The following APBB2 variants were observed in gnomAD, a reference collection of about 807,000 sequenced individuals.
The protein encoded by APBB2 is amyloid beta precursor protein binding family B member 2.
APBB2 carries 38 observed loss-of-function variants against 82.5 expected under a neutral mutation model. That is an observed-to-expected ratio of 0.46 (90% CI 0.36 to 0.60). The LOEUF is 0.60. APBB2 is among the 20% of genes least tolerant of loss of function. The pLI is 0.00. For missense variants in APBB2, 772 were observed against 972.3 expected, an observed-to-expected ratio of 0.79 and a Z score of 2.74; for synonymous variants, 341 against 368.2, an observed-to-expected ratio of 0.93 and a Z score of 0.85.
In APBB2 at chr4:40,815,791, G is replaced by A; in HGVS notation, c.*301C>T. 6.8e-6 allele frequency: 2 copies of A among 294,718 alleles called. No individual in the cohort carries two copies. The highest frequency in any genetic ancestry group is 1.3e-5 in the Non-Finnish European group (2 of 154,874). The allele number at this position is 294,718 out of a possible 1,614,324, so 18.3% of individuals were successfully genotyped here. On this transcript the variant is annotated 3_prime_UTR_variant, in exon 18 of 18. Coordinates refer to ENST00000508593, the MANE Select transcript of APBB2 (RefSeq NM_004307.2). ...AGCGTTAGTTCACTAGGAGGGGTGGGGCCACACTCTTCTCTGTGTGTGTGT... is the reference window on the plus strand; with the variant it reads ...AGCGTTAGTTCACTAGGAGGGGTGGAGCCACACTCTTCTCTGTGTGTGTGT...
chr4:40,830,665 C>A, intron 12 of APBB2, 88 bp from the exon 13 acceptor site: 1 of 769,076 alleles, frequency 1.3e-6, no homozygotes, highest in Non-Finnish European at 2.3e-6. Flanking sequence ...AGCTAGCAGC[C>A]AGCGTGTCAA....
intron 10 of APBB2, among the ~76,000 whole-genome samples, chr4:40,900,648 G>C (rs528816437): frequency 6.6e-6 from 1 of 151,910 alleles, no homozygotes; most frequent in Non-Finnish European, 1.5e-5. Context: ...GTAGAGACAG[G>C]GTTTCACCAT....
chr4:40,995,425 G>A (rs1023797754), intron 6 of APBB2, among the ~76,000 whole-genome samples: 1 of 152,120 alleles, frequency 6.6e-6, no homozygotes, highest in East Asian at 1.9e-4. Flanking sequence ...GCTCAGGCTG[G>A]AGTGTAGTGG....
intron 12 of APBB2, among the ~76,000 whole-genome samples, chr4:40,859,116 G>A (rs1762141343): frequency 6.6e-6 from 1 of 152,198 alleles, no homozygotes; most frequent in African/African-American, 2.4e-5. Flanking sequence ...GGGTCTGCCA[G>A]ATGTCCACAG....
chr4:40,957,587 T>A (rs1204811534), intron 6 of APBB2, among the ~76,000 whole-genome samples: 1 of 3,252 alleles, frequency 3.1e-4, no homozygotes, highest in South Asian at 0.025. Context: ...TCATATTCCT[T>A]TTTTTTTTTT....
chr4:40,948,760 T>TAA (rs34662232), intron 6 of APBB2, among the ~76,000 whole-genome samples: 918 of 83,246 alleles, frequency 0.011, 20 homozygotes, highest in African/African-American at 0.041. Context: ...ACTCCCATCT[T>TAA]AAAAAAAAAA....
At chr4:40,919,704 A>T (rs1780765425) in intron 10 of APBB2, among the ~76,000 whole-genome samples, 1 of 152,342 alleles carries the variant, frequency 6.6e-6, no homozygotes, top group Admixed American at 6.5e-5. Flanking sequence ...CCATTACATG[A>T]AAATATTTTG....
chr4:40,963,803 T>C (rs4861342), intron 6 of APBB2, among the ~76,000 whole-genome samples: 30,225 of 152,250 alleles, frequency 0.2, 3,278 homozygotes, highest in Middle Eastern at 0.31. Context: ...GACAGCTGTT[T>C]GTGCTTTCTT....
intron 6 of APBB2, among the ~76,000 whole-genome samples, chr4:40,962,351 A>G (rs1220162490): frequency 6.6e-6 from 1 of 152,216 alleles, no homozygotes; most frequent in Non-Finnish European, 1.5e-5. Context: ...AAATTTTCAA[A>G]CGATAATTCA....
chr4:40,955,400 T>G (rs868167413), intron 6 of APBB2, among the ~76,000 whole-genome samples: 7 of 152,364 alleles, frequency 4.6e-5, no homozygotes, highest in Middle Eastern at 6.8e-3. Flanking sequence ...TGGCTAAAGA[T>G]TCATCCTTTA....
intron 1 of APBB2, among the ~76,000 whole-genome samples, chr4:41,153,297 G>C (rs1762726680): frequency 6.6e-6 from 1 of 152,144 alleles, no homozygotes; most frequent in Non-Finnish European, 1.5e-5. Flanking sequence ...GTTTTATCCA[G>C]AATATAATGC....
rs565202001 is a variant in APBB2, at chr4:40,945,706, G to A, written c.836-633C>T. ...CGGCTCACTGCAAGCTCCACCTCCC[G>A]GGTTCACACCATTCTCCTGCCTCAG... On this transcript the variant is annotated intron_variant, in intron 6 of 17. Transcript: ENST00000508593. Among the ~76,000 whole-genome samples, 39 of 152,188 alleles carry A rather than the reference G, an allele frequency of 2.6e-4. No individual in the cohort carries two copies. The South Asian group carries it at 7.7e-3, about 30-fold the overall frequency.
At chr4:40,859,346 C>A (rs1384865995) in intron 12 of APBB2, among the ~76,000 whole-genome samples, 2 of 151,270 alleles carry the variant, frequency 1.3e-5, no homozygotes, top group African/African-American at 4.9e-5. Context: ...TCTTGGCTCA[C>A]TGCAACCTCC....
chr4:41,004,643 T>C (rs1806184371), intron 6 of APBB2, among the ~76,000 whole-genome samples: 1 of 151,816 alleles, frequency 6.6e-6, no homozygotes, highest in African/African-American at 2.4e-5. Context: ...GAGACCATCC[T>C]GCCTAACATG....
At chr4:40,995,319 G>A (rs973919156) in intron 6 of APBB2, among the ~76,000 whole-genome samples, 9 of 152,084 alleles carry the variant, frequency 5.9e-5, no homozygotes, top group African/African-American at 2.2e-4. Flanking sequence ...TGGCTCCAGT[G>A]TTTCTTATTT....
At chr4:41,148,474 T>C (rs962630984) in intron 1 of APBB2, among the ~76,000 whole-genome samples, 4 of 152,222 alleles carry the variant, frequency 2.6e-5, no homozygotes, top group African/African-American at 7.2e-5. Context: ...ATTGAAACTA[T>C]AAAGCACTAT....
intron 5 of APBB2, among the ~76,000 whole-genome samples, chr4:41,018,173 C>T (rs956747079): frequency 6.6e-6 from 1 of 151,526 alleles, no homozygotes; most frequent in Admixed American, 6.6e-5. Flanking sequence ...CTCCCTCCTT[C>T]CTTGCACACT....
Position 40,982,387 on chromosome 4 carries a change from G to GAAGGA in APBB2, c.835+31191_835+31195dup, listed in dbSNP as rs1553894023. Reference sequence around the variant, plus strand: ...GGAAGGAAGGAAGGAAGGAAGGAAGGAAGGAAAGGAAAGGAAAGAAAGAAA... The same window carrying GAAGGA: ...GGAAGGAAGGAAGGAAGGAAGGAAGGAAGGAAAGGAAAGGAAAGGAAAGAAAGAAA... On this transcript the variant is annotated intron_variant, in intron 6 of 17. Coordinates refer to ENST00000508593, the MANE Select transcript of APBB2 (RefSeq NM_004307.2). Among the ~76,000 whole-genome samples the GAAGGA allele has an allele frequency of 1.2e-3, 13 of 11,028 alleles. 1 individual carries two copies. The highest frequency in any genetic ancestry group is 4.4e-3 in the East Asian group (1 of 228). 7.2% of individuals were successfully genotyped at this position (11,028 alleles called of 152,430 possible).
chr4:41,036,801 T>C (rs1283557837), intron 4 of APBB2, among the ~76,000 whole-genome samples: 1 of 152,190 alleles, frequency 6.6e-6, no homozygotes, highest in Non-Finnish European at 1.5e-5. Context: ...GGTACAACTA[T>C]GCAGAACTTT....
Sources: allele counts gnomAD v4.1 joint callset (sites outside exome capture counted in the v4.1 genomes callset), GRCh38; gene constraint gnomAD v4.1.1; transcripts MANE v1.5; gene names NCBI Gene and HGNC (gene_info 2026-07-23, HGNC 2026-07-21).